The following CACNA1C variants were observed in gnomAD, a reference collection of about 807,000 sequenced individuals.
CACNA1C encodes calcium voltage-gated channel subunit alpha1 C.
In CACNA1C, 30 loss-of-function variants were observed where a neutral mutation model predicts 229.0. The observed-to-expected ratio is 0.13, with a 90% confidence interval of 0.10 to 0.18. The LOEUF is 0.18. CACNA1C is among the 10% of genes least tolerant of loss of function. The pLI is 1.00. For missense variants in CACNA1C, 1,658 were observed against 2,845.0 expected (o/e 0.58, Z 9.49); for synonymous variants, 1,114 against 1,132.5 (o/e 0.98, Z 0.33).
chr12:2,514,386 T>C (rs1006244770), intron 9 of CACNA1C, among the ~76,000 whole-genome samples: 3 of 152,236 alleles, frequency 2.0e-5, no homozygotes, highest in Non-Finnish European at 4.4e-5. Flanking sequence ...GTTAACAACA[T>C]AATGTAGTAA....
chr12:2,480,962 GAA>G (rs1201813891), intron 5 of CACNA1C, among the ~76,000 whole-genome samples: 9 of 152,184 alleles, frequency 5.9e-5, no homozygotes, highest in African/African-American at 2.2e-4. Flanking sequence ...CATCTCATGT[GAA>G]ATGACTCAAA....
intron 3 of CACNA1C, among the ~76,000 whole-genome samples, chr12:2,409,646 T>A (rs1387848668): frequency 6.6e-6 from 1 of 152,216 alleles, no homozygotes. Context: ...TTGTTCCCCT[T>A]GAAGTTAGGT....
At chr12:2,352,361 T>C (rs917249820) in intron 3 of CACNA1C, among the ~76,000 whole-genome samples, 1 of 152,234 alleles carries the variant, frequency 6.6e-6, no homozygotes, top group African/African-American at 2.4e-5. Flanking sequence ...TAAATTCTTA[T>C]GCTAAAAAAA....
chr12:2,339,360 G>A (rs1304975208), intron 3 of CACNA1C, among the ~76,000 whole-genome samples: 1 of 152,266 alleles, frequency 6.6e-6, no homozygotes, highest in Non-Finnish European at 1.5e-5. Context: ...CTCTGTGTGA[G>A]TCATGAGTGA....
At chr12:2,356,528 C>A (rs949788562) in intron 3 of CACNA1C, among the ~76,000 whole-genome samples, 8 of 152,202 alleles carry the variant, frequency 5.3e-5, no homozygotes, top group Non-Finnish European at 1.0e-4. Flanking sequence ...CAGGCGCTGC[C>A]CTTGGCCCCA....
chr12:2,561,442 T>C (rs1254829376), intron 11 of CACNA1C, among the ~76,000 whole-genome samples: 2 of 152,230 alleles, frequency 1.3e-5, no homozygotes, highest in African/African-American at 2.4e-5. Context: ...ATCTGGTGCC[T>C]AGCCCGTGGT....
Position 2,289,330 on chromosome 12 carries a change from C to T in CACNA1C, c.478-159646C>T, listed in dbSNP as rs991660089. ...TATGCCCAATAGTCATCCTGAATTTCCTTCACTGCCTGGGGAGGGGGTGGA... is the reference window on the plus strand; with the variant it reads ...TATGCCCAATAGTCATCCTGAATTTTCTTCACTGCCTGGGGAGGGGGTGGA... On this transcript the variant is annotated intron_variant, in intron 3 of 46. Coordinates refer to ENST00000399655, the MANE Select transcript of CACNA1C (RefSeq NM_000719.7). 2.0e-5 allele frequency among the ~76,000 whole-genome samples: 3 copies of T among 152,144 alleles called. No homozygotes were observed. In the South Asian group the frequency reaches 6.2e-4, roughly 31 times the overall value.
At chr12:2,178,426 G>A (rs1237574791) in intron 3 of CACNA1C, among the ~76,000 whole-genome samples, 2 of 152,160 alleles carry the variant, frequency 1.3e-5, no homozygotes, top group African/African-American at 4.8e-5. Flanking sequence ...GCTGCATGTA[G>A]GATTATGTTT....
At chr12:2,127,427 CAATGA>C (rs1285811267) in intron 3 of CACNA1C, among the ~76,000 whole-genome samples, 1 of 152,174 alleles carries the variant, frequency 6.6e-6, no homozygotes, top group African/African-American at 2.4e-5. Context: ...ATAATGATGA[CAATGA>C]AATGAGCTTT....
intron 15 of CACNA1C, among the ~76,000 whole-genome samples, chr12:2,584,176 CAA>C (rs2061574684): frequency 6.6e-6 from 1 of 152,188 alleles, no homozygotes; most frequent in South Asian, 2.1e-4. Context: ...TTTATAATGT[CAA>C]TTACAGCCAG....
intron 1 of CACNA1C, among the ~76,000 whole-genome samples, chr12:2,098,512 A>T (rs1386044295): frequency 1.3e-5 from 2 of 152,194 alleles, no homozygotes; most frequent in Non-Finnish European, 2.9e-5. Context: ...CCTTCCCCAT[A>T]CAGTGCGATC....
rs2062034051 is a variant in CACNA1C, at chr12:2,585,381, C to T, written c.2345C>T (p.Ala782Val). 6.2e-7 allele frequency: 1 copy of T among 1,612,256 alleles called. No individual in the cohort carries two copies. The highest frequency in any genetic ancestry group is 8.5e-7 in the Non-Finnish European group (1 of 1,179,150). Residue 782 changes from alanine (A) to valine (V), a missense_variant, in exon 17 of 47, where the codon GCC (alanine) becomes GTC (valine). Coordinates refer to ENST00000399655, the MANE Select transcript of CACNA1C (RefSeq NM_000719.7). This position sits in a 1 kb window ranked among gnomAD's most constrained non-coding sequence, Gnocchi z 4.1. ...EKERKKLART[A>V]SPEKKQELVE... is the part of the protein sequence containing the mutation. ...TTCTGCTGCTGACTGGCCAGGACTG[C>T]CAGCCCAGAGAAGAAACAAGAGTTG...
intron 29 of CACNA1C, among the ~76,000 whole-genome samples, chr12:2,620,699 A>C (rs1332173918): frequency 6.6e-6 from 1 of 152,252 alleles, no homozygotes; most frequent in Non-Finnish European, 1.5e-5. Context: ...CAGGAAAGTG[A>C]AACCGAAGCC....
At position 2,668,920 on chromosome 12, in the gene CACNA1C, T is replaced by C; in HGVS notation, c.4624-13T>C. The C allele has an allele frequency of 6.2e-7, 1 of 1,602,266 alleles. No individual in the cohort carries two copies. The highest frequency in any genetic ancestry group is 8.6e-7 in the Non-Finnish European group (1 of 1,169,200). On this transcript the variant is annotated splice_polypyrimidine_tract_variant and intron_variant, in intron 37 of 46. Coordinates refer to ENST00000399655, the MANE Select transcript of CACNA1C (RefSeq NM_000719.7). Reference sequence around the variant, plus strand: ...CTGCCATCATCACCAGCTTTGCTTCTCTTCGCCTGCAGCGCCTGGTCTCCA... The same window carrying C: ...CTGCCATCATCACCAGCTTTGCTTCCCTTCGCCTGCAGCGCCTGGTCTCCA...
At position 2,681,522 on chromosome 12, in the gene CACNA1C, C is replaced by T. The variant is rs532762490; in HGVS notation, c.5445-1028C>T. On this transcript the variant is annotated intron_variant, in intron 42 of 46. Transcript: ENST00000399655. Reference sequence around the variant, plus strand: ...TGCTTGTGCTGAGGATGGGCCAGCACGTCCTGTGCCCGGTGGCCCCCAAAA... The same window carrying T: ...TGCTTGTGCTGAGGATGGGCCAGCATGTCCTGTGCCCGGTGGCCCCCAAAA... Among the ~76,000 whole-genome samples the T allele has an allele frequency of 1.7e-4, 26 of 152,292 alleles. No homozygotes were observed. In the East Asian group the frequency reaches 5.0e-3, roughly 30 times the overall value.
intron 3 of CACNA1C, among the ~76,000 whole-genome samples, chr12:2,298,575 G>A (rs2094286865): frequency 6.6e-6 from 1 of 152,214 alleles, no homozygotes; most frequent in Non-Finnish European, 1.5e-5. Flanking sequence ...GGGATTACAG[G>A]CATGAGCCAC....
intron 1 of CACNA1C, among the ~76,000 whole-genome samples, chr12:1,983,379 C>A (rs11062041): frequency 1.3e-5 from 2 of 151,668 alleles, no homozygotes; most frequent in Non-Finnish European, 2.9e-5. Flanking sequence ...GTATTTGATG[C>A]TATAAATTTC....
intron 3 of CACNA1C, among the ~76,000 whole-genome samples, chr12:2,357,664 T>TAAA (rs550833961): frequency 1.4e-3 from 179 of 129,926 alleles, no homozygotes; most frequent in Middle Eastern, 4.1e-3. Context: ...TTTTTTTCCT[T>TAAA]AAAAAAAAAA....
intron 3 of CACNA1C, among the ~76,000 whole-genome samples, chr12:2,349,709 T>C (rs1339782700): frequency 1.3e-5 from 2 of 152,128 alleles, no homozygotes; most frequent in Non-Finnish European, 2.9e-5. Context: ...CTTGCGAGTC[T>C]GGAGCTACGT....
Sources: allele counts gnomAD v4.1 joint callset (sites outside exome capture counted in the v4.1 genomes callset), GRCh38; gene constraint gnomAD v4.1.1; non-coding constraint Gnocchi (gnomAD v3.1); transcripts MANE v1.5; gene names NCBI Gene and HGNC (gene_info 2026-07-23, HGNC 2026-07-21).